Variants in PTPRA observed in about 807,000 individuals in gnomAD.
PTPRA encodes protein tyrosine phosphatase receptor type A, also known as receptor-type tyrosine-protein phosphatase alpha.
Under a neutral mutation model 104.8 loss-of-function variants are expected in PTPRA, and 25 were observed. The ratio of observed to expected loss-of-function variants is 0.24; its 90% CI spans 0.17 to 0.33. PTPRA has a LOEUF of 0.33. Ranked by LOEUF, PTPRA falls within the 10% of genes least tolerant of loss-of-function variation. PTPRA has a pLI of 1.00. For missense variants in PTPRA, 765 were observed against 1,015.3 expected, an observed-to-expected ratio of 0.75 and a Z score of 3.35; for synonymous variants, 323 against 368.9, an observed-to-expected ratio of 0.88 and a Z score of 1.43.
Position 2,960,941 on chromosome 20 carries a change from C to T in PTPRA, c.-6-3331C>T, listed in dbSNP as rs11906085. Among the ~76,000 whole-genome samples, 922 of 151,542 alleles carry T rather than the reference C, an allele frequency of 6.1e-3. 7 individuals are homozygous for T. Among genetic ancestry groups the T allele is most frequent in the African/African-American group, 0.021 (881 of 41,262 alleles). On this transcript the variant is annotated intron_variant, in intron 3 of 23. Transcript: ENST00000399903. ...GTAATATATGTTTAAGTTTCTTCTACGTATTTTCATGTTTTTAGCTTATTT... is the reference window on the plus strand; with the variant it reads ...GTAATATATGTTTAAGTTTCTTCTATGTATTTTCATGTTTTTAGCTTATTT...
chr20:3,010,103 G>A (rs892300073), intron 11 of PTPRA, among the ~76,000 whole-genome samples: 1 of 152,018 alleles, frequency 6.6e-6, no homozygotes, highest in African/African-American at 2.4e-5. Context: ...ACCTGCCTCT[G>A]CCTCCCAAAG....
At chr20:2,934,179 C>T (rs1176144033) in intron 2 of PTPRA, among the ~76,000 whole-genome samples, 1 of 152,132 alleles carries the variant, frequency 6.6e-6, no homozygotes, top group Non-Finnish European at 1.5e-5. Flanking sequence ...TCATGGCTCA[C>T]TGCGGCATCT....
the PTPRA span, chr20:2,866,127 G>A: frequency 1.7e-6 from 2 of 1,143,854 alleles, no homozygotes; most frequent in Non-Finnish European, 2.6e-6. Flanking sequence ...TATGGACGAT[G>A]TATGCATTGC....
At position 3,038,339 on chromosome 20, in the gene PTPRA, A is replaced by T. The variant is rs947348596; in HGVS notation, c.*206A>T. 8 of 511,404 alleles carry T rather than the reference A, an allele frequency of 1.6e-5. No individual in the cohort carries two copies. The Admixed American group carries it at 2.9e-4, about 19-fold the overall frequency. The allele number at this position is 511,404 out of a possible 1,614,324, so 31.7% of individuals were successfully genotyped here. ...TTCCAATGTTTTATTGGGGAATTAA[A>T]TAGTGTGATGTTTGGATTGATATCG... is the stretch of plus-strand genomic sequence containing the variant. On this transcript the variant is annotated 3_prime_UTR_variant, in exon 24 of 24. Transcript: ENST00000399903.
chr20:2,872,922 T>C (rs902560464), upstream of PTPRA, among the ~76,000 whole-genome samples: 2 of 152,112 alleles, frequency 1.3e-5, no homozygotes, highest in African/African-American at 2.4e-5. This position sits in a 1 kb window ranked among gnomAD's most constrained non-coding sequence, Gnocchi z 7.9. Context: ...GCGGGGGAGA[T>C]TACCCTGGAG....
rs749626483 is a variant in PTPRA at position 2,988,316 on chromosome 20, CCTT to C, written c.602-19_602-17del. 10 of 1,577,514 alleles carry C rather than the reference CCTT, an allele frequency of 6.3e-6. No individual in the cohort carries two copies. The South Asian group carries it at 7.1e-5, about 11-fold the overall frequency. The stretch of plus-strand genomic sequence containing the variant: ...CTAGGTTCTCAGGGTACCTGACTGA[CCTT>C]CTCCCTTGTGTACTGCAGAGCCCCA... On this transcript the variant is annotated intron_variant, in intron 8 of 23. Transcript: ENST00000399903.
At chr20:2,972,396 G>A (rs1205153755) in intron 5 of PTPRA, among the ~76,000 whole-genome samples, 2 of 152,088 alleles carry the variant, frequency 1.3e-5, no homozygotes, top group Non-Finnish European at 2.9e-5. Flanking sequence ...CAGAAACAGG[G>A]ACTCACTGTG....
At position 3,024,498 on chromosome 20, in the gene PTPRA, C is replaced by T. The variant is rs750141003; in HGVS notation, c.1491C>T (p.Ala497=). 6.2e-7 allele frequency: 1 copy of T among 1,613,774 alleles called. No homozygotes were observed. The highest frequency in any genetic ancestry group is 8.5e-7 in the Non-Finnish European group (1 of 1,179,730). Reference sequence around the variant, plus strand: ...TGCAGTATGTCTTCATATACCAAGCCCTTCTGGAGCATTATCTCTATGGAG... The same window carrying T: ...TGCAGTATGTCTTCATATACCAAGCTCTTCTGGAGCATTATCTCTATGGAG... ...TDMQYVFIYQ[A]LLEHYLYGDT... Residue 497 remains alanine (A), a synonymous_variant, in exon 17 of 24, where the codon GCC becomes GCT. Transcript: ENST00000399903.
chr20:2,894,175 C>T (rs2058903699), intron 1 of PTPRA, among the ~76,000 whole-genome samples: 1 of 152,090 alleles, frequency 6.6e-6, no homozygotes, highest in African/African-American at 2.4e-5. Flanking sequence ...ATGTTTGGTT[C>T]AGTGTTTGTC....
At chr20:3,034,787 T>C (rs1268565917) in intron 20 of PTPRA, among the ~76,000 whole-genome samples, 1 of 152,184 alleles carries the variant, frequency 6.6e-6, no homozygotes, top group Non-Finnish European at 1.5e-5. Context: ...TTGAGAATTT[T>C]TCAATTGCCA....
chr20:2,900,966 GTTTTT>G (rs1050278132), intron 1 of PTPRA, among the ~76,000 whole-genome samples: 1 of 151,204 alleles, frequency 6.6e-6, no homozygotes, highest in Admixed American at 6.6e-5. Context: ...GCCTAATTTT[GTTTTT>G]TTTGTTTTGT....
At position 2,960,584 on chromosome 20, in the gene PTPRA, G is replaced by C. The variant is rs151172675; in HGVS notation, c.-6-3688G>C. ...AACAAGGTCTTGCTCTGTCACCCAG[G>C]CCTGAGTGCAGTGATGATCACTCCT... On this transcript the variant is annotated intron_variant, in intron 3 of 23. Transcript: ENST00000399903. 5.6e-3 allele frequency among the ~76,000 whole-genome samples: 843 copies of C among 151,614 alleles called. 4 individuals are homozygous for C. Among genetic ancestry groups the C allele is most frequent in the Non-Finnish European group, 9.5e-3 (642 of 67,908 alleles).
chr20:2,924,156 C>T (rs1284878042), intron 2 of PTPRA, among the ~76,000 whole-genome samples: 2 of 152,184 alleles, frequency 1.3e-5, no homozygotes, highest in African/African-American at 2.4e-5. Flanking sequence ...TGGTGGCTTA[C>T]ACCTGTAATC....
chr20:2,910,131 GAT>G (rs1600098690), intron 1 of PTPRA, among the ~76,000 whole-genome samples: 1 of 112,366 alleles, frequency 8.9e-6, no homozygotes, highest in East Asian at 2.5e-4. Context: ...TAGTATATAT[GAT>G]ATATAACATC....
intron 1 of PTPRA, among the ~76,000 whole-genome samples, chr20:2,907,692 C>G (rs902762783): frequency 6.6e-6 from 1 of 152,116 alleles, no homozygotes; most frequent in African/African-American, 2.4e-5. Context: ...TTCATAGAAG[C>G]TAATTCTTCA....
intron 2 of PTPRA, among the ~76,000 whole-genome samples, chr20:2,927,565 C>T (rs1342477683): frequency 6.6e-6 from 1 of 152,238 alleles, no homozygotes; most frequent in Non-Finnish European, 1.5e-5. Context: ...TAGTCGTACA[C>T]TCCAATCCGA....
In PTPRA at chr20:3,022,694, G is replaced by C; in HGVS notation, c.1334G>C (p.Gly445Ala). The stretch of plus-strand genomic sequence containing the variant: ...CCCCTGCTCTCTGGCTACAGTGCAG[G>C]TGTAGGGCGTACAGGTACCTTTGTC... The part of the protein sequence containing the change: ...AGAIVVHCSA[G>A]VGRTGTFVVI... Residue 445 changes from glycine (G) to alanine (A), a missense_variant, in exon 16 of 24, where the codon GGT becomes GCT. Physicochemically the swap from Gly to Ala is moderately conservative, Grantham distance 60 (BLOSUM62 0). This residue lies in a region of PTPRA where 245 missense variants were observed against 398.7 expected (regional missense o/e 0.61). Coordinates refer to ENST00000399903, the MANE Select transcript of PTPRA (RefSeq NM_001385305.1). This position sits in a 1 kb window ranked among gnomAD's most constrained non-coding sequence, Gnocchi z 4.6. 6.2e-7 allele frequency: 1 copy of C among 1,614,192 alleles called. No homozygotes were observed. Among genetic ancestry groups the C allele is most frequent in the South Asian group, 1.1e-5 (1 of 91,082 alleles).
intron 9 of PTPRA, among the ~76,000 whole-genome samples, chr20:2,995,122 T>C (rs2063346995): frequency 6.6e-6 from 1 of 152,000 alleles, no homozygotes; most frequent in Non-Finnish European, 1.5e-5. Flanking sequence ...AGAACAAGAC[T>C]CCATCTCAAA....
At chr20:3,021,452 C>T in intron 14 of PTPRA, 24 bp downstream of exon 14, 1 of 1,613,090 alleles carries the variant, frequency 6.2e-7, no homozygotes, top group Non-Finnish European at 8.5e-7. Context: ...TGTCCTTTCT[C>T]AGTTCTTATG....
Sources: gnomAD v4.1 joint callset for allele counts (sites outside exome capture counted in the v4.1 genomes callset) on GRCh38, gnomAD v4.1.1 for gene constraint, gnomAD v4.1.1 regional missense constraint, Gnocchi (gnomAD v3.1) non-coding constraint, MANE v1.5 for transcripts, NCBI Gene and HGNC (gene_info 2026-07-23, HGNC 2026-07-21) for gene names.